Variants in MBD3 observed in about 807,000 individuals in gnomAD.
MBD3 encodes methyl-CpG-binding domain protein 3.
A neutral mutation model predicts 31.2 loss-of-function variants in MBD3; 13 were observed. That is an observed-to-expected ratio of 0.42 (90% CI 0.27 to 0.66). MBD3 has a LOEUF of 0.66. MBD3 is among the 30% of genes least tolerant of loss of function. MBD3 has a pLI of 0.26. For synonymous variants in MBD3, 223 were observed against 187.4 expected, an observed-to-expected ratio of 1.19 and a Z score of -1.55; for missense variants, 440 against 426.5, an observed-to-expected ratio of 1.03 and a Z score of -0.28.
Position 1,578,346 on chromosome 19 carries a change from G to A in MBD3, c.870C>T (p.His290=), listed in dbSNP as rs767634828. 1.2e-4 allele frequency: 194 copies of A among 1,603,274 alleles called. 1 individual carries two copies. Among genetic ancestry groups the A allele is most frequent in the Non-Finnish European group, 1.5e-4 (181 of 1,179,814 alleles). Residue 290 remains histidine (H), a synonymous_variant, in exon 6 of 7, where the codon CAC becomes CAT. Coordinates refer to ENST00000434436, the MANE Select transcript of MBD3 (RefSeq NM_001281453.2). This position sits in a 1 kb window ranked among gnomAD's most constrained non-coding sequence, Gnocchi z 6.1. ...TGGCCCCGCAGCACCTGCCCTAGAC[G>A]TGCTCCATCTCCGGGTCCGGGTCGG... is the stretch of plus-strand genomic sequence containing the variant. ...EEPDPDPEME[H]V
At chr19:1,581,032 AG>A in intron 5 of MBD3, 59 bp downstream of exon 5, 2 of 1,601,218 alleles carry the variant, frequency 1.2e-6, no homozygotes, top group Non-Finnish European at 1.7e-6. Flanking sequence ...GGGGACACTC[AG>A]GGTCCCCACG....
At chr19:1,584,054 C>A (rs2060665979) in intron 3 of MBD3, among the ~76,000 whole-genome samples, 4 of 151,908 alleles carry the variant, frequency 2.6e-5, no homozygotes, top group Admixed American at 2.0e-4. Context: ...AACTCCTGAC[C>A]TCTCAGGTGA....
intron 5 of MBD3, among the ~76,000 whole-genome samples, 191 bp downstream of exon 5, chr19:1,580,901 C>G (rs1158262165): frequency 6.6e-6 from 1 of 152,238 alleles, no homozygotes; most frequent in Non-Finnish European, 1.5e-5. Context: ...CTGGCTCGCC[C>G]TGAACCCAGG....
intron 1 of MBD3, among the ~76,000 whole-genome samples, chr19:1,590,547 G>A (rs1187355557): frequency 1.3e-5 from 2 of 152,114 alleles, no homozygotes; most frequent in Non-Finnish European, 2.9e-5. Context: ...GAGCCTGGGA[G>A]GTCAAGAATG....
intron 1 of MBD3, among the ~76,000 whole-genome samples, chr19:1,587,184 C>T (rs945416930): frequency 4.0e-5 from 6 of 151,766 alleles, no homozygotes; most frequent in African/African-American, 7.3e-5. Context: ...CCAGGATGGT[C>T]GCGACCTCCT....
chr19:1,574,911 G>GCA lies in MBD3; in HGVS notation c.*3251_*3252dup, dbSNP rs1462424071. ...CCTGGGTCTGGGGGCTGCAGGGACA[G>GCA]CAAGGCACGGGCCCTGGGTGTGGCA... is the stretch of plus-strand genomic sequence containing the variant. On this transcript the variant is annotated 3_prime_UTR_variant, in exon 7 of 7. Transcript: ENST00000434436. The GCA allele has an allele frequency of 3.4e-6, 1 of 294,518 alleles. No individual in the cohort carries two copies. Among genetic ancestry groups the GCA allele is most frequent in the Admixed American group, 4.7e-5 (1 of 21,386 alleles). The allele number at this position is 294,518 out of a possible 1,614,324, so 18.2% of individuals were successfully genotyped here.
Position 1,578,083 on chromosome 19 carries a change from G to A in MBD3, c.*81C>T, listed in dbSNP as rs929555282. Reference sequence around the variant, plus strand: ...GTCTCCAAGGCTGGGCTTCGCCGCCGAGCCTGGTTCACGTGGGGCCGAGGA... The same window carrying A: ...GTCTCCAAGGCTGGGCTTCGCCGCCAAGCCTGGTTCACGTGGGGCCGAGGA... On this transcript the variant is annotated 3_prime_UTR_variant, in exon 7 of 7. Transcript: ENST00000434436. This position sits in a 1 kb window ranked among gnomAD's most constrained non-coding sequence, Gnocchi z 6.1. 12 of 595,180 alleles carry A rather than the reference G, an allele frequency of 2.0e-5. No homozygotes were observed. Among genetic ancestry groups the A allele is most frequent in the African/African-American group, 5.6e-5 (3 of 53,664 alleles). 36.9% of individuals were successfully genotyped at this position (595,180 alleles called of 1,614,324 possible). A position where few individuals can be genotyped will look rare whatever the true frequency, so the allele number is the denominator to read the frequency against.
intron 4 of MBD3, 42 bp from the exon 5 acceptor site, chr19:1,581,311 C>T (rs1917349265): frequency 6.3e-7 from 1 of 1,587,106 alleles, no homozygotes. Context: ...GAGAGGTCAC[C>T]ACGGGGCAGC....
rs537949340 is a variant in MBD3 at position 1,583,816 on chromosome 19, T to A, written c.408+724A>T. Among the ~76,000 whole-genome samples the A allele has an allele frequency of 5.9e-5, 9 of 152,302 alleles. No individual in the cohort carries two copies. In the South Asian group the frequency reaches 1.0e-3, roughly 18 times the overall value. ...CAAACATTAGACCATTTCCATTTTT[T>A]AAAAATATTTTTATTTTATTTTTGA... On this transcript the variant is annotated intron_variant, in intron 3 of 6. Transcript: ENST00000434436.
At chr19:1,581,062 G>C (rs576553397) in intron 5 of MBD3, 30 bp downstream of exon 5, 1 of 1,613,742 alleles carries the variant, frequency 6.2e-7, no homozygotes, top group African/African-American at 1.3e-5. Context: ...AGACAGGGTG[G>C]AGCAGCAGGG....
At position 1,575,149 on chromosome 19, in the gene MBD3, G is replaced by C; in HGVS notation, c.*3015C>G. ...TGCTGCTGCTGGCAAGTGCCAGAAG[G>C]GCTGCCATGGTGGTTCACACCTGTA... On this transcript the variant is annotated 3_prime_UTR_variant, in exon 7 of 7. Transcript: ENST00000434436. 4.7e-6 allele frequency: 2 copies of C among 427,956 alleles called. No individual in the cohort carries two copies. The highest frequency in any genetic ancestry group is 3.3e-5 in the South Asian group (2 of 60,232). 26.5% of individuals were successfully genotyped at this position (427,956 alleles called of 1,614,324 possible). A position where few individuals can be genotyped will look rare whatever the true frequency, so the allele number is the denominator to read the frequency against.
intron 1 of MBD3, among the ~76,000 whole-genome samples, chr19:1,591,201 G>T (rs1371539727): frequency 6.6e-6 from 1 of 152,170 alleles, no homozygotes; most frequent in African/African-American, 2.4e-5. Context: ...ATTTCAGCAT[G>T]TGTCACTGCA....
At chr19:1,580,618 C>G (rs1464699653) in intron 5 of MBD3, among the ~76,000 whole-genome samples, 2 of 152,250 alleles carry the variant, frequency 1.3e-5, no homozygotes, top group East Asian at 3.8e-4. Flanking sequence ...CCCTGAGGCC[C>G]CGCAGGAGGG....
intron 1 of MBD3, among the ~76,000 whole-genome samples, chr19:1,586,851 G>A (rs2060681521): frequency 6.6e-6 from 1 of 151,702 alleles, no homozygotes; most frequent in South Asian, 2.1e-4. Context: ...ATTTTTAGTA[G>A]AGACCAGGTT....
intron 3 of MBD3, among the ~76,000 whole-genome samples, chr19:1,584,102 G>T (rs762137127): frequency 5.9e-5 from 9 of 152,152 alleles, no homozygotes; most frequent in Non-Finnish European, 1.3e-4. Flanking sequence ...TGGGATTACA[G>T]GCGTGAGTCA....
rs1915046455 is a variant in MBD3 at position 1,574,525 on chromosome 19, G to C, written c.*3639C>G. 6.6e-6 allele frequency: 1 copy of C among 152,608 alleles called. No homozygotes were observed. The highest frequency in any genetic ancestry group is 1.5e-5 in the Non-Finnish European group (1 of 68,354). 9.5% of individuals were successfully genotyped at this position (152,608 alleles called of 1,614,324 possible). A position where few individuals can be genotyped will look rare whatever the true frequency, so the allele number is the denominator to read the frequency against. ...GGCATCTGCGCCGTGGCCGGTGTCA[G>C]AGCCTGGTTCCTGTTCATGGCCGAG... On this transcript the variant is annotated 3_prime_UTR_variant, in exon 7 of 7. Transcript: ENST00000434436.
chr19:1,580,209 CA>C (rs760387889), intron 5 of MBD3, among the ~76,000 whole-genome samples: 1 of 152,210 alleles, frequency 6.6e-6, no homozygotes, highest in African/African-American at 2.4e-5. Context: ...ACCTCAAACC[CA>C]AAAGAGGGGG....
intron 4 of MBD3, among the ~76,000 whole-genome samples, chr19:1,582,312 T>A (rs941556266): frequency 3.3e-5 from 5 of 152,100 alleles, no homozygotes; most frequent in African/African-American, 1.2e-4. Context: ...CCTTGTTTGT[T>A]TATTTAGGAT....
rs978407736 is a variant in MBD3 at position 1,576,131 on chromosome 19, C to T, written c.*2033G>A. On this transcript the variant is annotated 3_prime_UTR_variant, in exon 7 of 7. Transcript: ENST00000434436. ...AGGGATAGACAGAGACAGAGAGAGA[C>T]CAAGGGAGACAGGGACACAGTGGGA... 2.0e-5 allele frequency: 3 copies of T among 152,390 alleles called. No homozygotes were observed. The highest frequency in any genetic ancestry group is 4.4e-5 in the Non-Finnish European group (3 of 68,204). The allele number at this position is 152,390 out of a possible 1,614,324, so 9.4% of individuals were successfully genotyped here.
Sources: allele counts gnomAD v4.1 joint callset (sites outside exome capture counted in the v4.1 genomes callset), GRCh38; gene constraint gnomAD v4.1.1; non-coding constraint Gnocchi (gnomAD v3.1); transcripts MANE v1.5; gene names NCBI Gene and HGNC (gene_info 2026-07-23, HGNC 2026-07-21).